PLAGL1: variants seen among roughly 807,000 people sequenced by gnomAD.
PLAGL1 encodes zinc finger protein PLAGL1.
Under a neutral mutation model 4.6 loss-of-function variants are expected in PLAGL1, and 1 was observed. The observed-to-expected ratio is 0.22, with a 90% CI of 0.08 to 1.03. PLAGL1 has a LOEUF of 1.03. PLAGL1 is among the 50% of genes least tolerant of loss of function. The pLI is 0.58. For missense variants in PLAGL1, 464 were observed against 570.4 expected, an observed-to-expected ratio of 0.81 and a Z score of 1.90; for synonymous variants, 240 against 237.8, an observed-to-expected ratio of 1.01 and a Z score of -0.08.
In PLAGL1 at chr6:143,990,373, C is replaced by G. The variant is rs1348531111; in HGVS notation, c.-583-5199G>C. ...TGACCTCGGGATCCGCCCGCCTTGG[C>G]CTCCCAAAGTGCAGGGATTACAGGT... On this transcript the variant is annotated intron_variant, in intron 1 of 7. Transcript: ENST00000674357. The surrounding 1 kb of genome is among the most constrained non-coding windows in gnomAD (Gnocchi z 5.4). Among the ~76,000 whole-genome samples, 2 of 152,206 alleles carry G rather than the reference C, an allele frequency of 1.3e-5. No individual in the cohort carries two copies. Among genetic ancestry groups the G allele is most frequent in the Non-Finnish European group, 1.5e-5 (1 of 68,040 alleles).
intron 1 of PLAGL1, among the ~76,000 whole-genome samples, chr6:143,986,795 C>A (rs1789276569): frequency 6.6e-6 from 1 of 152,174 alleles, no homozygotes; most frequent in Non-Finnish European, 1.5e-5. Flanking sequence ...AAGGCGCCTG[C>A]TCAATAAGCC....
chr6:144,045,481 A>T (rs774245186), intron 1 of PLAGL1, among the ~76,000 whole-genome samples: 8 of 152,176 alleles, frequency 5.3e-5, no homozygotes, highest in Non-Finnish European at 1.0e-4. Flanking sequence ...TTCTGGGTTG[A>T]AAATTCTTTT....
rs1793056634 is a variant in PLAGL1, at chr6:144,002,208, A to T, written c.-584+5882T>A. On this transcript the variant is annotated intron_variant, in intron 1 of 7. Coordinates refer to ENST00000674357, the MANE Select transcript of PLAGL1 (RefSeq NM_001317162.2). The stretch of plus-strand genomic sequence containing the variant: ...TTAAAATTATTTCAGAATAAAATGA[A>T]TTTGAAAATTCAATACTCATTTGCG... Among the ~76,000 whole-genome samples, 3 of 152,202 alleles carry T rather than the reference A, an allele frequency of 2.0e-5. No homozygotes were observed. In the South Asian group the frequency reaches 6.2e-4, roughly 31 times the overall value.
chr6:143,946,438 A>C (rs1424684081), intron 7 of PLAGL1, among the ~76,000 whole-genome samples: 3 of 152,184 alleles, frequency 2.0e-5, no homozygotes, highest in Non-Finnish European at 4.4e-5. Context: ...CATGCAAAAC[A>C]GGGAGCCTCT....
chr6:143,958,663 T>C lies in PLAGL1; in HGVS notation c.-325+1806A>G, dbSNP rs1782692857. On this transcript the variant is annotated intron_variant, in intron 6 of 7. Coordinates refer to ENST00000674357, the MANE Select transcript of PLAGL1 (RefSeq NM_001317162.2). This position sits in a 1 kb window ranked among gnomAD's most constrained non-coding sequence, Gnocchi z 5.1. ...AATTGTTCATCCAGGAATAGTTAAT[T>C]TGAGAAATAAAAATATTTATCACTG... Among the ~76,000 whole-genome samples the C allele has an allele frequency of 1.3e-5, 2 of 152,250 alleles. No homozygotes were observed. Among genetic ancestry groups the C allele is most frequent in the Non-Finnish European group, 2.9e-5 (2 of 68,040 alleles).
chr6:143,945,028 A>G lies in PLAGL1; in HGVS notation c.153-2365T>C, dbSNP rs966356779. On this transcript the variant is annotated intron_variant, in intron 7 of 7. Coordinates refer to ENST00000674357, the MANE Select transcript of PLAGL1 (RefSeq NM_001317162.2). The surrounding 1 kb of genome is among the most constrained non-coding windows in gnomAD (Gnocchi z 4.2). ...TCTGACACCCCAGTAGTACTTGAGC[A>G]AGACCACTGCCTTCCAGACTTCACT... is the stretch of plus-strand genomic sequence containing the variant. Among the ~76,000 whole-genome samples, 1 of 152,174 alleles carries G rather than the reference A, an allele frequency of 6.6e-6. No homozygotes were observed. The highest frequency in any genetic ancestry group is 6.5e-5 in the Admixed American group (1 of 15,278).
At position 144,013,846 on chromosome 6, in the gene PLAGL1, C is replaced by T. The variant is rs1208416477; in HGVS notation, c.-150-44868G>A. 6.6e-6 allele frequency among the ~76,000 whole-genome samples: 1 copy of T among 152,166 alleles called. No individual in the cohort carries two copies. Among genetic ancestry groups the T allele is most frequent in the African/African-American group, 2.4e-5 (1 of 41,432 alleles). The stretch of plus-strand genomic sequence containing the variant: ...AAGGTGGTCTCCTCATTTCAAGATC[C>T]GTAACTTAAGTCACATCTGCAAAGA... On this transcript the variant is annotated intron_variant, in intron 1 of 3. Transcript: ENST00000437412. The surrounding 1 kb of genome is among the most constrained non-coding windows in gnomAD (Gnocchi z 4.4).
In PLAGL1 at chr6:144,061,020, C is replaced by G. The variant is rs1026653364; in HGVS notation, c.-151+3448G>C. On this transcript the variant is annotated intron_variant, in intron 1 of 3. Transcript: ENST00000437412. This position sits in a 1 kb window ranked among gnomAD's most constrained non-coding sequence, Gnocchi z 4.4. ...TTTCCACCATTTCTCTCCCCTGCCCCCAAAAGGAGACCTCCACTTATAAGC... is the reference window on the plus strand; with the variant it reads ...TTTCCACCATTTCTCTCCCCTGCCCGCAAAAGGAGACCTCCACTTATAAGC... Among the ~76,000 whole-genome samples, 2 of 152,186 alleles carry G rather than the reference C, an allele frequency of 1.3e-5. No homozygotes were observed. Among genetic ancestry groups the G allele is most frequent in the African/African-American group, 4.8e-5 (2 of 41,436 alleles).
chr6:143,969,185 G>A (rs1042541786), intron 2 of PLAGL1, among the ~76,000 whole-genome samples: 1 of 151,960 alleles, frequency 6.6e-6, no homozygotes, highest in African/African-American at 2.4e-5. Flanking sequence ...GGGATCTTTA[G>A]TTTTAGAGAG....
chr6:144,035,296 C>T (rs1348382563), intron 1 of PLAGL1, among the ~76,000 whole-genome samples: 1 of 152,192 alleles, frequency 6.6e-6, no homozygotes, highest in Non-Finnish European at 1.5e-5. Flanking sequence ...GGGAAGCTCA[C>T]AGTGCAGCCT....
chr6:144,009,513 CTTTA>C (rs1203857933), upstream of PLAGL1, among the ~76,000 whole-genome samples: 12 of 152,076 alleles, frequency 7.9e-5, no homozygotes, highest in Non-Finnish European at 2.9e-5. Flanking sequence ...ATGGCAATTG[CTTTA>C]TTTATTTTTT....
In PLAGL1 at chr6:143,940,696, G is replaced by A. The variant is rs1283627355; in HGVS notation, c.*728C>T. On this transcript the variant is annotated 3_prime_UTR_variant, in exon 8 of 8. Transcript: ENST00000674357. ...GCAAAATGCCTTTGACTGACGCCTGGATTATTTTACCACTTAACCTGGTTA... is the reference window on the plus strand; with the variant it reads ...GCAAAATGCCTTTGACTGACGCCTGAATTATTTTACCACTTAACCTGGTTA... 1 of 150,002 alleles carries A rather than the reference G, an allele frequency of 6.7e-6. No homozygotes were observed. The highest frequency in any genetic ancestry group is 1.5e-5 in the Non-Finnish European group (1 of 67,756). 9.3% of individuals were successfully genotyped at this position (150,002 alleles called of 1,614,324 possible).
chr6:144,027,095 G>A lies in PLAGL1; in HGVS notation c.-151+37373C>T, dbSNP rs1286936178. 6.6e-6 allele frequency among the ~76,000 whole-genome samples: 1 copy of A among 151,884 alleles called. No homozygotes were observed. Among genetic ancestry groups the A allele is most frequent in the Non-Finnish European group, 1.5e-5 (1 of 67,992 alleles). ...AAAAATTAGTCAGCCGCGGTGGCAT[G>A]CATCTGTGATCCCAGCTACTCAGGA... On this transcript the variant is annotated intron_variant, in intron 1 of 3. Coordinates refer to the PLAGL1 transcript ENST00000437412. The surrounding 1 kb of genome is among the most constrained non-coding windows in gnomAD (Gnocchi z 5.8).
chr6:143,941,902 GTGT>G lies in PLAGL1; in HGVS notation c.911_913del (p.Asn304del), dbSNP rs1169575467. 4 of 1,613,338 alleles carry G rather than the reference GTGT, an allele frequency of 2.5e-6. No homozygotes were observed. Among genetic ancestry groups the G allele is most frequent in the East Asian group, 2.2e-5 (1 of 44,892 alleles). ...AAGTGGGGAGTATGAGGTAGAAGTG[GTGT>G]TGTACTTGTGATTGGGAAGGGGTGG... On this transcript the variant is annotated inframe_deletion, in exon 8 of 8. Coordinates refer to ENST00000674357, the MANE Select transcript of PLAGL1 (RefSeq NM_001317162.2). This position sits in a 1 kb window ranked among gnomAD's most constrained non-coding sequence, Gnocchi z 6.0.
intron 1 of PLAGL1, chr6:144,037,604 AAAAC>A (rs1164167721): frequency 1.3e-5 from 2 of 152,168 alleles, no homozygotes; most frequent in African/African-American, 4.8e-5. Context: ...AAAAAAAACA[AAAAC>A]AAAGCAGTTT....
intron 3 of PLAGL1, chr6:143,967,423 T>C (rs1006275007): frequency 6.6e-6 from 1 of 152,158 alleles, no homozygotes; most frequent in Non-Finnish European, 1.5e-5. Flanking sequence ...ACTTCAATCA[T>C]GTTTCTTTAA....
At position 144,063,740 on chromosome 6, in the gene PLAGL1, G is replaced by A. The variant is rs1799614165; in HGVS notation, c.-151+728C>T. Among the ~76,000 whole-genome samples the A allele has an allele frequency of 6.6e-6, 1 of 152,158 alleles. No homozygotes were observed. The highest frequency in any genetic ancestry group is 6.5e-5 in the Admixed American group (1 of 15,282). On this transcript the variant is annotated intron_variant, in intron 1 of 3. Coordinates refer to the PLAGL1 transcript ENST00000437412. The surrounding 1 kb of genome is among the most constrained non-coding windows in gnomAD (Gnocchi z 5.7). ...GTATCTCTGTCCTCGACACAGCAGG[G>A]GCCCTACAAACCCAACACGGCTGTG...
chr6:144,030,959 A>T (rs1796778191), intron 1 of PLAGL1, among the ~76,000 whole-genome samples: 1 of 152,232 alleles, frequency 6.6e-6, no homozygotes, highest in Non-Finnish European at 1.5e-5. Context: ...AAGTGGTTGC[A>T]CTAGTTTACA....
intron 1 of PLAGL1, among the ~76,000 whole-genome samples, chr6:144,051,226 A>T (rs1053937005): frequency 6.6e-6 from 1 of 152,226 alleles, no homozygotes; most frequent in African/African-American, 2.4e-5. Context: ...AATCCACTCA[A>T]TACAGGAAAC....
Sources: allele counts gnomAD v4.1 joint callset (sites outside exome capture counted in the v4.1 genomes callset), GRCh38; gene constraint gnomAD v4.1.1; non-coding constraint Gnocchi (gnomAD v3.1); transcripts MANE v1.5; gene names NCBI Gene and HGNC (gene_info 2026-07-23, HGNC 2026-07-21).